Variants in LRRC4C observed in about 807,000 individuals in gnomAD.
The protein encoded by LRRC4C is leucine rich repeat containing 4C.
In LRRC4C, 5 loss-of-function variants were observed where a neutral mutation model predicts 33.6. The ratio of observed to expected loss-of-function variants is 0.15; its 90% CI spans 0.08 to 0.31. LRRC4C has a LOEUF of 0.31. LRRC4C is among the 10% of genes least tolerant of loss of function. The probability of loss-of-function intolerance (pLI) is 1.00; values close to 1 mark genes in which losing one functional copy is unlikely to be tolerated. For missense variants in LRRC4C, 560 were observed against 796.7 expected, an observed-to-expected ratio of 0.70 and a Z score of 3.58; for synonymous variants, 329 against 302.0, an observed-to-expected ratio of 1.09 and a Z score of -0.93.
intron 1 of LRRC4C, among the ~76,000 whole-genome samples, chr11:41,096,560 G>A (rs1489327005): frequency 6.6e-6 from 1 of 152,156 alleles, no homozygotes; most frequent in Non-Finnish European, 1.5e-5. Flanking sequence ...CAGCAATTGA[G>A]TTGGTGCTTC....
chr11:40,895,151 T>A (rs1185454797), intron 2 of LRRC4C, among the ~76,000 whole-genome samples: 1 of 152,092 alleles, frequency 6.6e-6, no homozygotes, highest in Non-Finnish European at 1.5e-5. Flanking sequence ...ACTGAAAACT[T>A]GACAGAAATG....
intron 3 of LRRC4C, among the ~76,000 whole-genome samples, chr11:40,591,202 C>A (rs1000010453): frequency 6.6e-6 from 1 of 152,132 alleles, no homozygotes; most frequent in Non-Finnish European, 1.5e-5. Context: ...TTAAGCCCGT[C>A]GGAAAAGCGC....
intron 1 of LRRC4C, among the ~76,000 whole-genome samples, chr11:41,088,510 A>G (rs1174748847): frequency 6.6e-6 from 1 of 152,086 alleles, no homozygotes; most frequent in Non-Finnish European, 1.5e-5. Context: ...CAATGTCCTT[A>G]AAAATAGTCA....
chr11:40,361,193 G>A (rs1947932102), intron 3 of LRRC4C, among the ~76,000 whole-genome samples: 1 of 152,250 alleles, frequency 6.6e-6, no homozygotes, highest in Admixed American at 6.5e-5. Flanking sequence ...CACAAGACAA[G>A]GATGGCCACT....
intron 1 of LRRC4C, among the ~76,000 whole-genome samples, chr11:41,170,112 T>C (rs11036267): frequency 0.038 from 5,723 of 152,228 alleles, 135 homozygotes; most frequent in East Asian, 0.07. Context: ...CCTTCACTGA[T>C]ATCAAATCTC....
chr11:40,975,562 A>G (rs1210303059), intron 1 of LRRC4C, among the ~76,000 whole-genome samples: 3 of 152,194 alleles, frequency 2.0e-5, no homozygotes, highest in African/African-American at 7.2e-5. Flanking sequence ...TTTGCTAAAT[A>G]CGTTATCTTG....
chr11:40,671,688 A>ATG (rs1318933332), intron 2 of LRRC4C, among the ~76,000 whole-genome samples: 7 of 25,888 alleles, frequency 2.7e-4, no homozygotes, highest in Admixed American at 5.3e-4. Context: ...TAGTATATAT[A>ATG]TATGTGTGTA....
intron 3 of LRRC4C, among the ~76,000 whole-genome samples, chr11:40,337,084 T>A (rs562599804): frequency 6.7e-6 from 1 of 149,932 alleles, no homozygotes; most frequent in Middle Eastern, 3.3e-3. Context: ...AAGCGAGACT[T>A]GTAAAATGAG....
chr11:40,334,957 T>G (rs1052169115), intron 3 of LRRC4C, among the ~76,000 whole-genome samples: 1 of 152,216 alleles, frequency 6.6e-6, no homozygotes, highest in African/African-American at 2.4e-5. Context: ...TGGAAACTTT[T>G]GTTCAGTTAA....
At chr11:41,366,438 G>C (rs1952548099) in intron 1 of LRRC4C, among the ~76,000 whole-genome samples, 1 of 152,068 alleles carries the variant, frequency 6.6e-6, no homozygotes, top group Non-Finnish European at 1.5e-5. Context: ...TTATGTTCTA[G>C]TAACAGGGTA....
At chr11:41,214,784 T>C (rs1946978551) in intron 1 of LRRC4C, among the ~76,000 whole-genome samples, 1 of 144,148 alleles carries the variant, frequency 6.9e-6, no homozygotes, top group African/African-American at 2.6e-5. Context: ...TACACACATA[T>C]ATATATGTGT....
At chr11:41,002,569 G>A (rs761873128) in intron 1 of LRRC4C, among the ~76,000 whole-genome samples, 7 of 152,154 alleles carry the variant, frequency 4.6e-5, no homozygotes, top group South Asian at 2.1e-4. Flanking sequence ...GGTAGGTAGT[G>A]AGAAAGAGCT....
At position 41,037,574 on chromosome 11, in the gene LRRC4C, T is replaced by A. The variant is rs1423339630; in HGVS notation, c.-495-103851A>T. 3.4e-5 allele frequency among the ~76,000 whole-genome samples: 5 copies of A among 148,862 alleles called. No individual in the cohort carries two copies. In the East Asian group the frequency reaches 8.0e-4, roughly 24 times the overall value. On this transcript the variant is annotated intron_variant, in intron 1 of 6. Coordinates refer to ENST00000528697, the MANE Select transcript of LRRC4C (RefSeq NM_001258419.2). ...CTGAACTTTCTTACTTCTTTTCCTT[T>A]CACACACACACACACACACACACAC...
intron 5 of LRRC4C, among the ~76,000 whole-genome samples, chr11:40,218,740 T>C (rs200497039): frequency 2.8e-4 from 38 of 134,518 alleles, no homozygotes; most frequent in South Asian, 7.2e-4. Context: ...TCTATCTATC[T>C]ATCCATCCAT....
At chr11:41,212,828 A>C (rs1946879563) in intron 1 of LRRC4C, among the ~76,000 whole-genome samples, 1 of 152,196 alleles carries the variant, frequency 6.6e-6, no homozygotes. Flanking sequence ...TGGTGTATAT[A>C]TGTGCCACAT....
chr11:40,553,314 C>A (rs1016618237), intron 3 of LRRC4C, among the ~76,000 whole-genome samples: 11 of 151,876 alleles, frequency 7.2e-5, no homozygotes, highest in African/African-American at 2.7e-4. Flanking sequence ...TCAGAAGCAA[C>A]AAAGTGTATG....
chr11:41,147,974 C>G (rs950105374), intron 1 of LRRC4C, among the ~76,000 whole-genome samples: 1 of 152,072 alleles, frequency 6.6e-6, no homozygotes. Context: ...TGCCTGTATT[C>G]TCAGGTACTT....
chr11:40,895,840 C>A lies in LRRC4C; in HGVS notation c.-407+37795G>T, dbSNP rs956482068. Among the ~76,000 whole-genome samples the A allele has an allele frequency of 2.6e-5, 4 of 152,220 alleles. No individual in the cohort carries two copies. In the East Asian group the frequency reaches 7.7e-4, roughly 29 times the overall value. On this transcript the variant is annotated intron_variant, in intron 2 of 6. Coordinates refer to ENST00000528697, the MANE Select transcript of LRRC4C (RefSeq NM_001258419.2). ...AGAGTTCTTGAGGCTTTGAAGTTAT[C>A]CTGGCATCTGAGCCCAACCCTGCAA...
intron 1 of LRRC4C, among the ~76,000 whole-genome samples, chr11:41,104,118 C>A (rs1398673090): frequency 6.6e-6 from 1 of 151,728 alleles, no homozygotes; most frequent in Non-Finnish European, 1.5e-5. Flanking sequence ...TGGGTATTAT[C>A]ACGATTAATA....
Sources: allele counts gnomAD v4.1 joint callset (sites outside exome capture counted in the v4.1 genomes callset), GRCh38; gene constraint gnomAD v4.1.1; transcripts MANE v1.5; gene names NCBI Gene and HGNC (gene_info 2026-07-23, HGNC 2026-07-21).